Variants in EZH1 observed in about 807,000 individuals in gnomAD.
EZH1 encodes histone-lysine N-methyltransferase EZH1.
EZH1 carries 33 observed loss-of-function variants against 100.5 expected under a neutral mutation model. The ratio of observed to expected loss-of-function variants is 0.33; its 90% CI spans 0.25 to 0.44. The LOEUF (loss-of-function observed/expected upper bound fraction) is 0.44, where lower values mean the gene tolerates loss of function less well. Among genes scored for constraint, EZH1 ranks in the 20% least tolerant of loss-of-function variants. The pLI is 1.00. For missense variants in EZH1, 475 were observed against 928.4 expected (o/e 0.51, Z 6.35); for synonymous variants, 272 against 313.8 (o/e 0.87, Z 1.41).
At chr17:42,711,827 T>G (rs564236804) in intron 12 of EZH1, among the ~76,000 whole-genome samples, 49 of 152,042 alleles carry the variant, frequency 3.2e-4, no homozygotes, top group African/African-American at 1.2e-3. Context: ...AAAATAAAGA[T>G]AATCTAGTGA....
intron 10 of EZH1, 89 bp from the exon 11 acceptor site, chr17:42,713,478 T>A: frequency 8.2e-7 from 1 of 1,216,710 alleles, no homozygotes; most frequent in South Asian, 1.9e-5. Context: ...TTACAACATC[T>A]GTCTACAATA....
At chr17:42,738,442 AT>A (rs2054110115) in intron 1 of EZH1, among the ~76,000 whole-genome samples, 1 of 145,592 alleles carries the variant, frequency 6.9e-6, no homozygotes, top group African/African-American at 2.8e-5. Context: ...ATTTGTATTT[AT>A]TATTTGTATT....
chr17:42,708,127 C>T, intron 14 of EZH1, 44 bp from the exon 15 acceptor site: 1 of 1,543,230 alleles, frequency 6.5e-7, no homozygotes, highest in South Asian at 1.2e-5. Flanking sequence ...ACCATACTCT[C>T]CAGCTGTCTT....
intron 1 of EZH1, among the ~76,000 whole-genome samples, chr17:42,740,102 G>A (rs774554617): frequency 5.3e-5 from 8 of 151,972 alleles, no homozygotes; most frequent in Non-Finnish European, 8.8e-5. Flanking sequence ...CCACTCTGCC[G>A]ACCAGGCATG....
At chr17:42,721,688 A>G (rs546878141) in intron 6 of EZH1, among the ~76,000 whole-genome samples, 9 of 152,066 alleles carry the variant, frequency 5.9e-5, no homozygotes, top group South Asian at 4.1e-4. Flanking sequence ...ATAAAAAAAA[A>G]AAAGAAAGAA....
intron 10 of EZH1, among the ~76,000 whole-genome samples, chr17:42,715,334 T>G (rs2053581511): frequency 6.7e-6 from 1 of 150,228 alleles, no homozygotes; most frequent in African/African-American, 2.4e-5. Flanking sequence ...TACAGTAGCA[T>G]GATCTCAGCT....
In EZH1 at chr17:42,712,276, T is replaced by C; in HGVS notation, c.1401+13A>G. On this transcript the variant is annotated intron_variant, in intron 12 of 20. Transcript: ENST00000428826. ...AGGAGGGGCCCATTTGTTCTGCTGC[T>C]TCCAGATGGTACCTGCTTGCACGTC... 2 of 1,612,212 alleles carry C rather than the reference T, an allele frequency of 1.2e-6. No homozygotes were observed. Among genetic ancestry groups the C allele is most frequent in the Non-Finnish European group, 1.7e-6 (2 of 1,179,482 alleles).
At chr17:42,727,278 G>C (rs953579350) in intron 4 of EZH1, among the ~76,000 whole-genome samples, 2 of 151,824 alleles carry the variant, frequency 1.3e-5, no homozygotes, top group Non-Finnish European at 2.9e-5. Context: ...TTGGACATAA[G>C]GTCTTGTCTG....
chr17:42,709,010 G>A (rs2143733173), intron 13 of EZH1, 94 bp from the exon 14 acceptor site: 1 of 1,405,658 alleles, frequency 7.1e-7, no homozygotes. Flanking sequence ...GAGGGACTGT[G>A]TTTGATGACT....
intron 10 of EZH1, among the ~76,000 whole-genome samples, chr17:42,715,870 A>C (rs1043730786): frequency 3.3e-5 from 5 of 152,130 alleles, no homozygotes; most frequent in Non-Finnish European, 7.4e-5. Context: ...AACACAGAGA[A>C]ACCCTGTCTC....
chr17:42,744,986 G>T, intron 1 of EZH1, 25 bp downstream of exon 1: 1 of 1,262,696 alleles, frequency 7.9e-7, no homozygotes, highest in Non-Finnish European at 1.0e-6. Flanking sequence ...CCCACCGCCC[G>T]GCCCAGGCTT....
At chr17:42,710,077 T>G in intron 12 of EZH1, 140 bp from the exon 13 acceptor site, 1 of 672,914 alleles carries the variant, frequency 1.5e-6, no homozygotes. Context: ...AGAGACAGAG[T>G]GCCACTGGAA....
At chr17:42,739,457 T>A (rs1012140993) in intron 1 of EZH1, among the ~76,000 whole-genome samples, 1 of 152,074 alleles carries the variant, frequency 6.6e-6, no homozygotes, top group African/African-American at 2.4e-5. Flanking sequence ...ATCAGCTGGG[T>A]GCAGTAGCTC....
chr17:42,717,612 C>A (rs918300466), intron 10 of EZH1, among the ~76,000 whole-genome samples: 1 of 152,120 alleles, frequency 6.6e-6, no homozygotes, highest in East Asian at 1.9e-4. Context: ...ACGTGCTATT[C>A]GTCTCATAGT....
chr17:42,713,037 C>CAAAA (rs10664421), intron 11 of EZH1, among the ~76,000 whole-genome samples, 172 bp downstream of exon 11: 31 of 83,948 alleles, frequency 3.7e-4, no homozygotes, highest in African/African-American at 5.3e-4. Flanking sequence ...GAGACTGTTT[C>CAAAA]AAAAAAAAAA....
chr17:42,728,344 C>T (rs1405301556), intron 3 of EZH1, among the ~76,000 whole-genome samples: 6 of 150,398 alleles, frequency 4.0e-5, no homozygotes, highest in Admixed American at 6.6e-5. Context: ...GAACTCCTGA[C>T]CTCAGGTGAT....
At chr17:42,733,408 G>A (rs994834197) in intron 1 of EZH1, among the ~76,000 whole-genome samples, 1 of 151,512 alleles carries the variant, frequency 6.6e-6, no homozygotes. Flanking sequence ...TTGGGTGGCC[G>A]AGGTGGGCGG....
At chr17:42,729,172 C>T (rs201381464) in intron 2 of EZH1, 35 of 388,330 alleles carry the variant, frequency 9.0e-5, no homozygotes, top group African/African-American at 6.2e-4. Context: ...TTTAGGAAGC[C>T]GAGGTGAGAG....
chr17:42,705,217 G>T, intron 16 of EZH1, 34 bp from the exon 17 acceptor site: 1 of 1,426,736 alleles, frequency 7.0e-7, no homozygotes, highest in Non-Finnish European at 9.9e-7. Context: ...CAGACTACAG[G>T]GTGTGCATGA....
Sources: gnomAD v4.1 joint callset for allele counts (sites outside exome capture counted in the v4.1 genomes callset) on GRCh38, gnomAD v4.1.1 for gene constraint, MANE v1.5 for transcripts, NCBI Gene and HGNC (gene_info 2026-07-23, HGNC 2026-07-21) for gene names.